ATP8A2: variants seen among roughly 807,000 people sequenced by gnomAD.
ATP8A2 encodes the protein ATPase phospholipid transporting 8A2.
ATP8A2 carries 100 observed loss-of-function variants against 165.6 expected under a neutral mutation model. The observed-to-expected ratio is 0.60, with a 90% CI of 0.51 to 0.71. ATP8A2 has a LOEUF of 0.71. Ranked by LOEUF, ATP8A2 falls within the 30% of genes least tolerant of loss-of-function variation. The probability of loss-of-function intolerance (pLI) is 0.00; values close to 1 mark genes in which losing one functional copy is unlikely to be tolerated. For missense variants in ATP8A2, 1,227 were observed against 1,479.5 expected (o/e 0.83, Z 2.80); for synonymous variants, 543 against 548.8 (o/e 0.99, Z 0.15).
At chr13:25,654,582 C>T (rs1332021544) in intron 24 of ATP8A2, among the ~76,000 whole-genome samples, 2 of 152,156 alleles carry the variant, frequency 1.3e-5, no homozygotes, top group Non-Finnish European at 2.9e-5. Context: ...TTTGGCTTTA[C>T]AGGACATAAA....
intron 1 of ATP8A2, among the ~76,000 whole-genome samples, chr13:25,454,790 CA>C (rs1412515375): frequency 6.6e-6 from 1 of 152,172 alleles, no homozygotes; most frequent in Non-Finnish European, 1.5e-5. Flanking sequence ...GGCGTGATGG[CA>C]CACACCTGTA....
At chr13:25,941,631 T>C (rs1032148062) in intron 33 of ATP8A2, among the ~76,000 whole-genome samples, 1 of 152,122 alleles carries the variant, frequency 6.6e-6, no homozygotes, top group African/African-American at 2.4e-5. Flanking sequence ...ACAACCACTG[T>C]CCCTCTTGTT....
intron 24 of ATP8A2, among the ~76,000 whole-genome samples, chr13:25,696,199 G>C (rs1593210933): frequency 6.6e-6 from 1 of 152,170 alleles, no homozygotes; most frequent in Non-Finnish European, 1.5e-5. Flanking sequence ...TTAACAGTGG[G>C]CTTAATGTTC....
intron 25 of ATP8A2, among the ~76,000 whole-genome samples, chr13:25,717,106 C>T (rs1246279782): frequency 6.6e-6 from 1 of 152,190 alleles, no homozygotes; most frequent in African/African-American, 2.4e-5. Context: ...TGCATATCCA[C>T]CTGCTGGCAG....
chr13:25,465,711 C>CTTTCT (rs1555274892), intron 1 of ATP8A2, among the ~76,000 whole-genome samples: 1,820 of 21,366 alleles, frequency 0.085, 281 homozygotes, highest in Middle Eastern at 0.17. Context: ...TTCTTTCTTT[C>CTTTCT]TTTCTTTCTT....
chr13:25,734,918 C>T (rs537570153), intron 25 of ATP8A2, among the ~76,000 whole-genome samples: 2 of 152,108 alleles, frequency 1.3e-5, no homozygotes, highest in East Asian at 1.9e-4. Context: ...GGATTACAGG[C>T]GTGAGCTACC....
intron 27 of ATP8A2, among the ~76,000 whole-genome samples, chr13:25,786,624 T>A (rs749157113): frequency 6.6e-6 from 1 of 152,214 alleles, no homozygotes; most frequent in Non-Finnish European, 1.5e-5. Context: ...TACTTCCCTG[T>A]TAGTTCCACC....
At position 25,581,924 on chromosome 13, in the gene ATP8A2, A is replaced by T; in HGVS notation, c.2113A>T (p.Thr705Ser). 1 of 1,612,782 alleles carries T rather than the reference A, an allele frequency of 6.2e-7. No homozygotes were observed. Among genetic ancestry groups the T allele is most frequent in the Non-Finnish European group, 8.5e-7 (1 of 1,179,556 alleles). Residue 705 changes from threonine (T) to serine (S), a missense_variant, in exon 23 of 37, where the codon ACA (threonine) becomes TCA (serine). Thr to Ser is a moderately conservative substitution (Grantham distance 58). This residue lies in a region of ATP8A2 where 592 missense variants were observed against 785.6 expected (regional missense o/e 0.75). Transcript: ENST00000381655. ...GGCAGAAATTAAAATATGGGTGTTGACAGGAGACAAACAAGAAACTGCGAT... is the reference window on the plus strand; with the variant it reads ...GGCAGAAATTAAAATATGGGTGTTGTCAGGAGACAAACAAGAAACTGCGAT... ...LKAEIKIWVL[T>S]GDKQETAINI...
intron 25 of ATP8A2, among the ~76,000 whole-genome samples, chr13:25,708,568 C>G (rs1374744744): frequency 6.6e-6 from 1 of 152,126 alleles, no homozygotes; most frequent in Non-Finnish European, 1.5e-5. Context: ...ATTTTGACAG[C>G]CAGTATTCTG....
chr13:25,407,307 C>T (rs2138044932), intron 1 of ATP8A2, among the ~76,000 whole-genome samples: 1 of 152,304 alleles, frequency 6.6e-6, no homozygotes, highest in South Asian at 2.1e-4. Flanking sequence ...TACCCAGAAT[C>T]TTGAGGAAGA....
intron 30 of ATP8A2, among the ~76,000 whole-genome samples, chr13:25,854,077 C>G (rs1952086041): frequency 6.6e-6 from 1 of 152,172 alleles, no homozygotes; most frequent in Admixed American, 6.5e-5. Flanking sequence ...TCCACTAACC[C>G]TAGTTCCCTT....
chr13:25,499,485 G>A (rs959098001), intron 2 of ATP8A2, among the ~76,000 whole-genome samples: 2 of 152,180 alleles, frequency 1.3e-5, no homozygotes, highest in Non-Finnish European at 2.9e-5. Context: ...CTAGCTATGT[G>A]AGCCTGGGCC....
chr13:25,686,807 G>A (rs1032644114), intron 24 of ATP8A2, among the ~76,000 whole-genome samples: 4 of 151,810 alleles, frequency 2.6e-5, no homozygotes, highest in Non-Finnish European at 4.4e-5. Context: ...TGAATGCCCA[G>A]GATTCTGATG....
At chr13:25,524,298 ATG>A (rs1332737852) in intron 2 of ATP8A2, among the ~76,000 whole-genome samples, 1 of 152,198 alleles carries the variant, frequency 6.6e-6, no homozygotes, top group Non-Finnish European at 1.5e-5. Flanking sequence ...ATTCTAAAGA[ATG>A]TTCTGTATAC....
At chr13:25,913,009 C>T (rs1954163456) in intron 33 of ATP8A2, among the ~76,000 whole-genome samples, 1 of 152,198 alleles carries the variant, frequency 6.6e-6, no homozygotes, top group Non-Finnish European at 1.5e-5. Flanking sequence ...TTACTATCAT[C>T]CCTACGTGTA....
chr13:25,717,748 T>A (rs1197721128), intron 25 of ATP8A2, among the ~76,000 whole-genome samples: 1 of 152,218 alleles, frequency 6.6e-6, no homozygotes, highest in African/African-American at 2.4e-5. Context: ...GGTGGATATG[T>A]TTCCTTTTCG....
intron 1 of ATP8A2, among the ~76,000 whole-genome samples, chr13:25,388,060 C>T (rs1476533577): frequency 2.6e-4 from 1 of 3,824 alleles, no homozygotes; most frequent in African/African-American, 3.9e-4. Context: ...GAGACTCCAT[C>T]TCAAAAAAAA....
intron 33 of ATP8A2, among the ~76,000 whole-genome samples, chr13:25,919,345 G>A (rs770734506): frequency 1.3e-5 from 2 of 152,164 alleles, no homozygotes; most frequent in Non-Finnish European, 2.9e-5. Context: ...TAGAATTGGT[G>A]TGATTCTTAT....
At chr13:25,595,962 TGAAA>T (rs149331397) in intron 24 of ATP8A2, among the ~76,000 whole-genome samples, 18,323 of 152,182 alleles carry the variant, frequency 0.12, 1,395 homozygotes, top group Non-Finnish European at 0.18. Flanking sequence ...CTAACTTTCA[TGAAA>T]GAGACCTGGT....
Sources: gnomAD v4.1 joint callset for allele counts (sites outside exome capture counted in the v4.1 genomes callset) on GRCh38, gnomAD v4.1.1 for gene constraint, gnomAD v4.1.1 regional missense constraint, MANE v1.5 for transcripts, NCBI Gene and HGNC (gene_info 2026-07-23, HGNC 2026-07-21) for gene names.